GC: variants seen among roughly 807,000 people sequenced by gnomAD.
GC encodes vitamin D-binding protein.
A neutral mutation model predicts 56.7 loss-of-function variants in GC; 43 were observed. The ratio of observed to expected loss-of-function variants is 0.76; its 90% confidence interval spans 0.59 to 0.98. The LOEUF (loss-of-function observed/expected upper bound fraction) is 0.98, where lower values mean the gene tolerates loss of function less well. Among genes scored for constraint, GC ranks in the 50% least tolerant of loss-of-function variants. The pLI is 0.00. For synonymous variants in GC, 216 were observed against 202.7 expected (o/e 1.07, Z -0.56); for missense variants, 529 against 545.9 (o/e 0.97, Z 0.31).
chr4:71,800,386 A>C (rs1159091768), intron 1 of GC, among the ~76,000 whole-genome samples: 2 of 152,166 alleles, frequency 1.3e-5, no homozygotes, highest in Non-Finnish European at 2.9e-5. Context: ...CCAGCATCAT[A>C]CATGTCCCTG....
chr4:71,750,331 A>G (rs923083494), intron 11 of GC, among the ~76,000 whole-genome samples: 1 of 152,146 alleles, frequency 6.6e-6, no homozygotes, highest in African/African-American at 2.4e-5. Flanking sequence ...TTCCATTTCT[A>G]CTCTTAGGAG....
chr4:71,762,892 A>G (rs1427757577), intron 6 of GC, among the ~76,000 whole-genome samples: 2 of 152,210 alleles, frequency 1.3e-5, no homozygotes, highest in African/African-American at 4.8e-5. Flanking sequence ...AGTTTCGGGT[A>G]TGTCTTTATC....
At chr4:71,762,721 G>A (rs559874518) in intron 6 of GC, among the ~76,000 whole-genome samples, 86 of 152,202 alleles carry the variant, frequency 5.7e-4, no homozygotes, top group African/African-American at 1.7e-3. Context: ...AGATCTGATC[G>A]TTTTAAAAAC....
At chr4:71,800,667 A>G (rs530109953) in intron 1 of GC, among the ~76,000 whole-genome samples, 4 of 152,330 alleles carry the variant, frequency 2.6e-5, no homozygotes, top group Non-Finnish European at 5.9e-5. Context: ...ACTGTCTTCA[A>G]TAGTGGTTGA....
intron 7 of GC, 24 bp downstream of exon 7, chr4:71,758,018 T>A: frequency 6.2e-7 from 1 of 1,606,960 alleles, no homozygotes; most frequent in South Asian, 1.1e-5. Context: ...CACATGGTGA[T>A]AATGATAATA....
chr4:71,767,326 T>C (rs932332768), intron 3 of GC, among the ~76,000 whole-genome samples: 2 of 152,132 alleles, frequency 1.3e-5, no homozygotes, highest in Non-Finnish European at 2.9e-5. Context: ...GACGACTGCA[T>C]TAATAAATTG....
At position 71,746,208 on chromosome 4, in the gene GC, G is replaced by A; in HGVS notation, c.1396-3C>T. On this transcript the variant is annotated splice_polypyrimidine_tract_variant and splice_region_variant and intron_variant, in intron 11 of 12. Transcript: ENST00000273951. ...ATATTCTTCAATTCAGCATCAATCTGATAATGAAAAAAGAATGTTATATAA... is the reference window on the plus strand; with the variant it reads ...ATATTCTTCAATTCAGCATCAATCTAATAATGAAAAAAGAATGTTATATAA... The A allele has an allele frequency of 7.8e-7, 1 of 1,284,006 alleles. No individual in the cohort carries two copies. The allele number at this position is 1,284,006 out of a possible 1,614,324, so 79.5% of individuals were successfully genotyped here. A position where few individuals can be genotyped will look rare whatever the true frequency, so the allele number is the denominator to read the frequency against.
At chr4:71,746,403 C>T (rs1741365693) in intron 11 of GC, among the ~76,000 whole-genome samples, 198 bp from the exon 12 acceptor site, 1 of 151,608 alleles carries the variant, frequency 6.6e-6, no homozygotes, top group Admixed American at 6.6e-5. Flanking sequence ...CCTTGAAGGG[C>T]TTAGAGTCTG....
At chr4:71,793,632 T>C (rs1743023352) in intron 1 of GC, among the ~76,000 whole-genome samples, 1 of 152,170 alleles carries the variant, frequency 6.6e-6, no homozygotes, top group African/African-American at 2.4e-5. Context: ...CTTTTCCTAA[T>C]TGAATACCCT....
intron 1 of GC, among the ~76,000 whole-genome samples, chr4:71,793,639 C>T (rs950144270): frequency 1.3e-4 from 20 of 152,080 alleles, no homozygotes; most frequent in Middle Eastern, 3.2e-3. Flanking sequence ...TAATTGAATA[C>T]CCTTTATTTC....
upstream of GC, among the ~76,000 whole-genome samples, chr4:71,804,718 G>A (rs1193946223): frequency 2.6e-5 from 4 of 152,082 alleles, no homozygotes; most frequent in Non-Finnish European, 5.9e-5. Context: ...GAAAGTAATG[G>A]GTTCATATAC....
Position 71,768,301 on chromosome 4 carries a change from C to T in GC, c.261G>A (p.Arg87=), listed in dbSNP as rs755932355. ...GAGACGGCCAGCCACAGAAACCTACCCTGGTGTCATAGCAGTCAGGGTCAG... is the reference window on the plus strand; with the variant it reads ...GAGACGGCCAGCCACAGAAACCTACTCTGGTGTCATAGCAGTCAGGGTCAG... The part of the protein sequence containing the change: ...EGADPDCYDT[R]TSALSAKSCE... The change falls in exon 3 of 13, where the codon AGG becomes AGA. Residue 87 remains arginine (R), a splice_region_variant and synonymous_variant. Transcript: ENST00000273951. The T allele has an allele frequency of 1.2e-6, 2 of 1,602,846 alleles. No homozygotes were observed. The highest frequency in any genetic ancestry group is 1.7e-5 in the Admixed American group (1 of 58,602).
intron 11 of GC, among the ~76,000 whole-genome samples, chr4:71,746,772 T>TAAAAAAAAAAAAAAAAAAAAA (rs34865299): frequency 9.9e-6 from 1 of 100,656 alleles, no homozygotes; most frequent in African/African-American, 4.2e-5. Flanking sequence ...CTCTATTTTG[T>TAAAAAAAAAAAAAAAAAAAAA]AAAAAAAAAA....
At chr4:71,751,493 G>A (rs546141455) in intron 11 of GC, among the ~76,000 whole-genome samples, 96 of 152,232 alleles carry the variant, frequency 6.3e-4, no homozygotes, top group African/African-American at 2.2e-3. Flanking sequence ...AAACAAAAAG[G>A]TTTGGCCAGA....
chr4:71,758,154 G>C lies in GC; in HGVS notation c.719C>G (p.Ala240Gly). The part of the protein sequence containing the change: ...KSRLSNLIKL[A>G]QKVPTADLED... ...CAGATCAGCAGTAGGCACTTTTTGG[G>C]CTAACTTTATGAGATTGCTAAACAG... Residue 240 changes from alanine (A) to glycine (G), a missense_variant, in exon 7 of 13, where the codon GCC becomes GGC. Coordinates refer to ENST00000273951, the MANE Select transcript of GC (RefSeq NM_000583.4). The C allele has an allele frequency of 1.9e-6, 3 of 1,612,892 alleles. No homozygotes were observed. The highest frequency in any genetic ancestry group is 2.5e-6 in the Non-Finnish European group (3 of 1,179,122).
chr4:71,746,191 C>A lies in GC; in HGVS notation c.1410G>T (p.Leu470Phe). ...LYCDSEIDAE[L>F]KNIL ...TGCTTCAGGACTACAGGATATTCTT[C>A]AATTCAGCATCAATCTGATAATGAA... Residue 470 changes from leucine to phenylalanine, a missense_variant, in exon 12 of 13, where the codon TTG becomes TTT. Physicochemically the swap from Leu to Phe is conservative, Grantham distance 22. Coordinates refer to ENST00000273951, the MANE Select transcript of GC (RefSeq NM_000583.4). 1 of 1,345,312 alleles carries A rather than the reference C, an allele frequency of 7.4e-7. No individual in the cohort carries two copies. The highest frequency in any genetic ancestry group is 1.2e-5 in the South Asian group (1 of 84,440). 83.3% of individuals were successfully genotyped at this position (1,345,312 alleles called of 1,614,324 possible). A position where few individuals can be genotyped will look rare whatever the true frequency, so the allele number is the denominator to read the frequency against.
At chr4:71,746,772 T>TAAAAAAAAAAAAAAAAAAAAAAAAAAAAA (rs34865299) in intron 11 of GC, among the ~76,000 whole-genome samples, 1 of 100,658 alleles carries the variant, frequency 9.9e-6, no homozygotes, top group African/African-American at 4.2e-5. Context: ...CTCTATTTTG[T>TAAAAAAAAAAAAAAAAAAAAAAAAAAAAA]AAAAAAAAAA....
chr4:71,768,349 G>T lies in GC; in HGVS notation c.213C>A (p.Thr71=), dbSNP rs750307767. The change falls in exon 3 of 13, where the codon ACC becomes ACA. Residue 71 remains threonine, a synonymous_variant. Transcript: ENST00000273951. ...SQLVKEVVSL[T]EACCAEGADP... Reference sequence around the variant, plus strand: ...CAGCCCCTTCCGCACAGCAGGCTTCGGTCAAGGAGACAACTTCCTTCACAA... The same window carrying T: ...CAGCCCCTTCCGCACAGCAGGCTTCTGTCAAGGAGACAACTTCCTTCACAA... 1.2e-6 allele frequency: 2 copies of T among 1,613,224 alleles called. No homozygotes were observed. Among genetic ancestry groups the T allele is most frequent in the Non-Finnish European group, 1.7e-6 (2 of 1,179,554 alleles).
At chr4:71,771,661 C>CA (rs779924862) in intron 1 of GC, among the ~76,000 whole-genome samples, 1 of 151,898 alleles carries the variant, frequency 6.6e-6, no homozygotes, top group African/African-American at 2.4e-5. Context: ...TTAGTGGAAC[C>CA]AAAAAAACCA....
Sources: gnomAD v4.1 joint callset for allele counts (sites outside exome capture counted in the v4.1 genomes callset) on GRCh38, gnomAD v4.1.1 for gene constraint, MANE v1.5 for transcripts, NCBI Gene and HGNC (gene_info 2026-07-23, HGNC 2026-07-21) for gene names.